FIZ1: variants seen among roughly 807,000 people sequenced by gnomAD.
FIZ1 encodes the protein flt3-interacting zinc finger protein 1.
FIZ1 carries 2 observed loss-of-function variants against 5.3 expected under a neutral mutation model. That is an observed-to-expected ratio of 0.37 (90% CI 0.15 to 1.18). FIZ1 has a LOEUF of 1.18. FIZ1 is among the 50% of genes most tolerant of loss of function. The probability of loss-of-function intolerance (pLI) is 0.37; values close to 1 mark genes in which losing one functional copy is unlikely to be tolerated. For synonymous variants in FIZ1, 407 were observed against 364.2 expected, an observed-to-expected ratio of 1.12 and a Z score of -1.34; for missense variants, 631 against 749.7, an observed-to-expected ratio of 0.84 and a Z score of 1.85.
chr19:55,593,251 G>A lies in FIZ1; in HGVS notation c.690C>T (p.Cys230=), dbSNP rs1187251781. 11 of 1,267,408 alleles carry A rather than the reference G, an allele frequency of 8.7e-6. No individual in the cohort carries two copies. The highest frequency in any genetic ancestry group is 1.0e-5 in the Non-Finnish European group (10 of 997,892). 78.5% of individuals were successfully genotyped at this position (1,267,408 alleles called of 1,614,324 possible). ...AAHTDVKPFK[C]PRCERDFNAP... is the part of the protein sequence containing the mutation. The stretch of plus-strand genomic sequence containing the variant: ...CGTTGAAGTCGCGCTCGCAGCGCGG[G>A]CACTTGAAGGGCTTCACGTCGGTGT... The change falls in exon 3 of 3, where the codon TGC becomes TGT. Residue 230 remains cysteine (C), a synonymous_variant. Transcript: ENST00000221665. The surrounding 1 kb of genome is among the most constrained non-coding windows in gnomAD (Gnocchi z 6.3).
rs1980147777 is a variant in FIZ1, at chr19:55,593,386, C to T, written c.555G>A (p.Gly185=). 5 of 1,389,742 alleles carry T rather than the reference C, an allele frequency of 3.6e-6. No homozygotes were observed. The highest frequency in any genetic ancestry group is 3.2e-5 in the South Asian group (2 of 62,182). 86.1% of individuals were successfully genotyped at this position (1,389,742 alleles called of 1,614,324 possible). Reference sequence around the variant, plus strand: ...CGGCCGCAGCTGCCGCCTCTGCCAGCCCCCAGCTGCCCAGACCCGCGCCTG... The same window carrying T: ...CGGCCGCAGCTGCCGCCTCTGCCAGTCCCCAGCTGCCCAGACCCGCGCCTG... ...EGAGAGLGSW[G]LAEAAAAAAA... The change falls in exon 3 of 3, where the codon GGG becomes GGA. Residue 185 remains glycine, a synonymous_variant. Transcript: ENST00000221665. This position sits in a 1 kb window ranked among gnomAD's most constrained non-coding sequence, Gnocchi z 6.3.
intron 2 of FIZ1, among the ~76,000 whole-genome samples, chr19:55,596,748 C>T (rs984034808): frequency 4.6e-5 from 7 of 152,216 alleles, no homozygotes; most frequent in South Asian, 2.1e-4. Flanking sequence ...TCTCACCTCA[C>T]TGCAACCTCT....
Position 55,592,129 on chromosome 19 carries a change from C to T in FIZ1, c.*321G>A, listed in dbSNP as rs572902343. 1.4e-4 allele frequency: 52 copies of T among 363,500 alleles called. No individual in the cohort carries two copies. In the Admixed American group the frequency reaches 1.7e-3, roughly 12 times the overall value. The allele number at this position is 363,500 out of a possible 1,614,324, so 22.5% of individuals were successfully genotyped here. ...AAGATGAGAGGTACTTGTGGAGACC[C>T]ATTGCTCACTGCAAAGTCCCCATGT... On this transcript the variant is annotated 3_prime_UTR_variant, in exon 3 of 3. Coordinates refer to ENST00000221665, the MANE Select transcript of FIZ1 (RefSeq NM_032836.3). This position sits in a 1 kb window ranked among gnomAD's most constrained non-coding sequence, Gnocchi z 6.9.
intron 1 of FIZ1, chr19:55,598,841 G>C (rs937435134): frequency 6.6e-6 from 1 of 152,090 alleles, no homozygotes; most frequent in African/African-American, 2.4e-5. Flanking sequence ...TCATTATAAA[G>C]ACCTGATAGT....
At chr19:55,598,654 A>G (rs1980456215) in intron 1 of FIZ1, 1 of 152,140 alleles carries the variant, frequency 6.6e-6, no homozygotes, top group African/African-American at 2.4e-5. Flanking sequence ...CATGATTGCT[A>G]AGTTATTTGA....
chr19:55,593,304 G>T lies in FIZ1; in HGVS notation c.637C>A (p.Arg213Ser). 1 of 1,255,056 alleles carries T rather than the reference G, an allele frequency of 8.0e-7. No individual in the cohort carries two copies. Among genetic ancestry groups the T allele is most frequent in the South Asian group, 2.0e-5 (1 of 50,382 alleles). 77.7% of individuals were successfully genotyped at this position (1,255,056 alleles called of 1,614,324 possible). The change falls in exon 3 of 3, where the codon CGC (arginine) becomes AGC (serine). Residue 213 changes from arginine (R) to serine (S), a missense_variant. Arg to Ser is a moderately radical substitution (Grantham distance 110, BLOSUM62 -1). This residue lies in a region of FIZ1 where 463 missense variants were observed against 455.1 expected (regional missense o/e 1.02). Transcript: ENST00000221665. The surrounding 1 kb of genome is among the most constrained non-coding windows in gnomAD (Gnocchi z 6.3). ...GCCGCCCAGTGGGCCGCCAGCTCGC[G>T]GCCGTGGTCGAAGCGCCGCGCGCAG... is the stretch of plus-strand genomic sequence containing the variant. The part of the protein sequence containing the change: ...GACARRFDHG[R>S]ELAAHWAAHT...
chr19:55,592,615 G>A lies in FIZ1; in HGVS notation c.1326C>T (p.Phe442=). ...HVLVHTGEKP[F]PCLECGKFFR... ...AGAACTTGCCGCACTCCAGGCACGG[G>A]AACGGCTTCTCGCCAGTGTGCACCA... Residue 442 remains phenylalanine (F), a synonymous_variant, in exon 3 of 3, where the codon TTC becomes TTT. Transcript: ENST00000221665. This position sits in a 1 kb window ranked among gnomAD's most constrained non-coding sequence, Gnocchi z 6.9. 2 of 1,613,540 alleles carry A rather than the reference G, an allele frequency of 1.2e-6. No individual in the cohort carries two copies. Among genetic ancestry groups the A allele is most frequent in the Non-Finnish European group, 1.7e-6 (2 of 1,179,880 alleles).
Position 55,593,281 on chromosome 19 carries a change from C to T in FIZ1, c.660G>A (p.Ala220=), listed in dbSNP as rs773601056. ...DHGRELAAHW[A]AHTDVKPFKC... ...TGAAGGGCTTCACGTCGGTGTGCGC[C>T]GCCCAGTGGGCCGCCAGCTCGCGGC... Residue 220 remains alanine (A), a synonymous_variant, in exon 3 of 3, where the codon GCG becomes GCA. Coordinates refer to ENST00000221665, the MANE Select transcript of FIZ1 (RefSeq NM_032836.3). The surrounding 1 kb of genome is among the most constrained non-coding windows in gnomAD (Gnocchi z 6.3). The T allele has an allele frequency of 8.7e-6, 11 of 1,265,122 alleles. No homozygotes were observed. Among genetic ancestry groups the T allele is most frequent in the African/African-American group, 8.0e-5 (5 of 62,174 alleles). The allele number at this position is 1,265,122 out of a possible 1,614,324, so 78.4% of individuals were successfully genotyped here.
In FIZ1 at chr19:55,597,907, G is replaced by C. The variant is rs1365076237; in HGVS notation, c.-36-6C>G. 6.6e-7 allele frequency: 1 copy of C among 1,522,570 alleles called. No homozygotes were observed. The highest frequency in any genetic ancestry group is 1.4e-5 in the African/African-American group (1 of 72,784). The allele number at this position is 1,522,570 out of a possible 1,614,324, so 94.3% of individuals were successfully genotyped here. On this transcript the variant is annotated splice_region_variant and splice_polypyrimidine_tract_variant and intron_variant, in intron 1 of 2. Coordinates refer to ENST00000221665, the MANE Select transcript of FIZ1 (RefSeq NM_032836.3). Reference sequence around the variant, plus strand: ...GTGGTATGTGGGGGCTCTCTCTGGAGTAGTGGGGAGACAGAGGAGCAGGTG... The same window carrying C: ...GTGGTATGTGGGGGCTCTCTCTGGACTAGTGGGGAGACAGAGGAGCAGGTG...
intron 1 of FIZ1, chr19:55,598,201 T>A (rs759899248): frequency 2.5e-5 from 9 of 357,774 alleles, no homozygotes; most frequent in South Asian, 1.8e-4. Context: ...CCCCTCCCAC[T>A]GTAATTTAAG....
At chr19:55,594,796 G>A (rs1030376790) in intron 2 of FIZ1, among the ~76,000 whole-genome samples, 5 of 151,968 alleles carry the variant, frequency 3.3e-5, no homozygotes, top group African/African-American at 1.2e-4. Context: ...CTAGCAGGGT[G>A]TGTCTTCTCC....
rs142850308 is a variant in FIZ1, at chr19:55,597,713, G to A, written c.153C>T (p.His51=). 381 of 1,614,048 alleles carry A rather than the reference G, an allele frequency of 2.4e-4. 1 individual carries two copies. The African/African-American group carries it at 4.1e-3, about 17-fold the overall frequency. ...AACCCTTGCCGCAGCGCGGACATGC[G>A]TGGGGCTTGAGCGCTGTGTGCCGGG... is the stretch of plus-strand genomic sequence containing the variant. ...HFARHTALKP[H]ACPRCGKGFK... is the part of the protein sequence containing the mutation. Residue 51 remains histidine (H), a synonymous_variant, in exon 2 of 3, where the codon CAC becomes CAT. Transcript: ENST00000221665.
At position 55,597,658 on chromosome 19, in the gene FIZ1, G is replaced by T. The variant is rs1244433045; in HGVS notation, c.208C>A (p.Leu70Met). 6.2e-7 allele frequency: 1 copy of T among 1,613,860 alleles called. No homozygotes were observed. Among genetic ancestry groups the T allele is most frequent in the African/African-American group, 1.3e-5 (1 of 74,930 alleles). Residue 70 changes from leucine (L) to methionine (M), a missense_variant, in exon 2 of 3, where the codon CTG (leucine) becomes ATG (methionine). Physicochemically the swap from Leu to Met is conservative, Grantham distance 15. This residue lies in a region of FIZ1 where 68 missense variants were observed against 163.4 expected (regional missense o/e 0.42). Transcript: ENST00000221665. ...FKHSFNLANH[L>M]RSHTGERPYR... ...GGCCGCTCCCCGGTGTGCGAGCGCA[G>T]GTGGTTGGCTAGGTTGAAGCTGTGC...
At chr19:55,594,013 A>C (rs1289344928) in intron 2 of FIZ1, among the ~76,000 whole-genome samples, 1 of 151,830 alleles carries the variant, frequency 6.6e-6, no homozygotes, top group African/African-American at 2.4e-5. Context: ...GGCTGAGCCA[A>C]GAAGTTTGAG....
Position 55,597,589 on chromosome 19 carries a change from C to T in FIZ1, c.277G>A (p.Gly93Ser). 1 of 1,611,514 alleles carries T rather than the reference C, an allele frequency of 6.2e-7. No individual in the cohort carries two copies. Among genetic ancestry groups the T allele is most frequent in the Non-Finnish European group, 8.5e-7 (1 of 1,179,418 alleles). Residue 93 changes from glycine (G) to serine (S), a missense_variant, in exon 2 of 3, where the codon GGC becomes AGC. Around this residue, in one of 4 missense-constraint regions of FIZ1, gnomAD observed 68 missense variants for 163.4 expected, o/e 0.42. Transcript: ENST00000221665. ...ACPKGFRDST[G>S]LLHHQVVHTG... ...GGACTCACCTGGTGGTGCAGCAGGC[C>T]GGTGGAGTCGCGGAACCCCTTGGGG...
At chr19:55,596,373 T>G (rs995262963) in intron 2 of FIZ1, among the ~76,000 whole-genome samples, 3 of 152,146 alleles carry the variant, frequency 2.0e-5, no homozygotes, top group Admixed American at 2.0e-4. Context: ...CCTGGTTTTC[T>G]TCACCCTGGT....
chr19:55,595,218 G>T, intron 2 of FIZ1, among the ~76,000 whole-genome samples: 1 of 152,192 alleles, frequency 6.6e-6, no homozygotes, highest in Non-Finnish European at 1.5e-5. Flanking sequence ...ATGTCTGCCA[G>T]GGGCACAGAT....
chr19:55,595,187 G>C (rs1166913746), intron 2 of FIZ1, among the ~76,000 whole-genome samples: 1 of 152,222 alleles, frequency 6.6e-6, no homozygotes, highest in Non-Finnish European at 1.5e-5. Flanking sequence ...GGATGAGAAA[G>C]AGTGCAGTGC....
At position 55,593,311 on chromosome 19, in the gene FIZ1, G is replaced by C; in HGVS notation, c.630C>G (p.Asp210Glu). Residue 210 changes from aspartate (D) to glutamate (E), a missense_variant, in exon 3 of 3, where the codon GAC (aspartate) becomes GAG (glutamate). Physicochemically the swap from Asp to Glu is conservative, Grantham distance 45. Transcript: ENST00000221665. The surrounding 1 kb of genome is among the most constrained non-coding windows in gnomAD (Gnocchi z 6.3). ...AGTGGGCCGCCAGCTCGCGGCCGTG[G>C]TCGAAGCGCCGCGCGCAGGCGCCGC... is the stretch of plus-strand genomic sequence containing the variant. ...FACGACARRF[D>E]HGRELAAHWA... The C allele has an allele frequency of 8.0e-7, 1 of 1,257,590 alleles. No individual in the cohort carries two copies. Among genetic ancestry groups the C allele is most frequent in the African/African-American group, 1.6e-5 (1 of 62,550 alleles). 77.9% of individuals were successfully genotyped at this position (1,257,590 alleles called of 1,614,324 possible).
Sources: gnomAD v4.1 joint callset for allele counts (sites outside exome capture counted in the v4.1 genomes callset) on GRCh38, gnomAD v4.1.1 for gene constraint, gnomAD v4.1.1 regional missense constraint, Gnocchi (gnomAD v3.1) non-coding constraint, MANE v1.5 for transcripts, NCBI Gene and HGNC (gene_info 2026-07-23, HGNC 2026-07-21) for gene names.